ACBD6: variants seen among roughly 807,000 people sequenced by gnomAD.
ACBD6 encodes acyl-CoA binding domain containing 6.
In ACBD6, 28 loss-of-function variants were observed where a neutral mutation model predicts 37.2. That is an observed-to-expected ratio of 0.75 (90% CI 0.56 to 1.03). The LOEUF (loss-of-function observed/expected upper bound fraction) is 1.03, where lower values mean the gene tolerates loss of function less well. Ranked by LOEUF, ACBD6 falls within the 50% of genes least tolerant of loss-of-function variation. The pLI is 0.00. For missense variants in ACBD6, 340 were observed against 337.4 expected (o/e 1.01, Z -0.06); for synonymous variants, 113 against 126.8 (o/e 0.89, Z 0.73).
intron 3 of ACBD6, among the ~76,000 whole-genome samples, chr1:180,478,773 C>A (rs965574773): frequency 5.3e-5 from 8 of 152,008 alleles, no homozygotes; most frequent in African/African-American, 1.9e-4. Context: ...CATGAGTCAC[C>A]ACACCCAGCC....
intron 7 of ACBD6, among the ~76,000 whole-genome samples, chr1:180,293,840 G>A (rs554278101): frequency 6.6e-6 from 1 of 151,926 alleles, no homozygotes; most frequent in Non-Finnish European, 1.5e-5. Flanking sequence ...TGAACTCCTG[G>A]CTCCAAGTGA....
intron 4 of ACBD6, among the ~76,000 whole-genome samples, chr1:180,428,201 T>C (rs1648671611): frequency 6.6e-6 from 1 of 152,128 alleles, no homozygotes; most frequent in Non-Finnish European, 1.5e-5. Flanking sequence ...AATGAAGACT[T>C]CATGAAAAAA....
chr1:180,330,630 A>G (rs1651443577), intron 6 of ACBD6, among the ~76,000 whole-genome samples: 1 of 152,234 alleles, frequency 6.6e-6, no homozygotes, highest in Non-Finnish European at 1.5e-5. Flanking sequence ...AACTAAAAGG[A>G]AAACAATCAA....
At chr1:180,359,680 ACCTTC>A (rs1652773209) in intron 6 of ACBD6, among the ~76,000 whole-genome samples, 2 of 129,422 alleles carry the variant, frequency 1.5e-5, no homozygotes, top group Admixed American at 7.8e-5. Context: ...TTGCTGCACT[ACCTTC>A]TTTCAGTGGG....
At chr1:180,387,043 T>C (rs563596994) in intron 6 of ACBD6, among the ~76,000 whole-genome samples, 1 of 152,314 alleles carries the variant, frequency 6.6e-6, no homozygotes, top group South Asian at 2.1e-4. Context: ...CTATTTGGGT[T>C]TCTTGTGCAG....
intron 6 of ACBD6, among the ~76,000 whole-genome samples, chr1:180,335,853 G>A (rs1383468463): frequency 6.9e-6 from 1 of 144,632 alleles, no homozygotes; most frequent in African/African-American, 2.5e-5. Flanking sequence ...AAAGGCAGGG[G>A]TTGCAATCCT....
intron 5 of ACBD6, among the ~76,000 whole-genome samples, chr1:180,403,724 C>A (rs1310814294): frequency 2.6e-5 from 4 of 152,126 alleles, no homozygotes; most frequent in Admixed American, 6.6e-5. Context: ...TATATGCATA[C>A]AATGGAATAT....
chr1:180,277,223 A>G (rs1346312729), intron 9 of ACBD6: 2 of 152,208 alleles, frequency 1.3e-5, no homozygotes, highest in African/African-American at 2.4e-5. Context: ...GGTGCCACTA[A>G]TGAGCCATTG....
chr1:180,310,934 C>T (rs549083014), intron 7 of ACBD6, among the ~76,000 whole-genome samples: 1 of 152,236 alleles, frequency 6.6e-6, no homozygotes, highest in Non-Finnish European at 1.5e-5. Context: ...TGAAGGGTCT[C>T]TCGTGTTTCT....
intron 7 of ACBD6, among the ~76,000 whole-genome samples, chr1:180,293,608 A>T (rs777772763): frequency 1.4e-4 from 21 of 152,222 alleles, no homozygotes; most frequent in Admixed American, 5.2e-4. Flanking sequence ...TGCCTGGCCA[A>T]TTTCATCCTT....
chr1:180,406,487 A>G (rs1340171802), intron 5 of ACBD6, among the ~76,000 whole-genome samples: 1 of 152,144 alleles, frequency 6.6e-6, no homozygotes, highest in African/African-American at 2.4e-5. Flanking sequence ...CAATAAAATA[A>G]CTTCATTATG....
chr1:180,392,315 T>A (rs1654107966), intron 6 of ACBD6, among the ~76,000 whole-genome samples: 1 of 151,994 alleles, frequency 6.6e-6, no homozygotes, highest in African/African-American at 2.4e-5. Context: ...GCTGTATCCT[T>A]AAGATTTGTG....
intron 3 of ACBD6, among the ~76,000 whole-genome samples, chr1:180,441,702 A>G (rs1040215645): frequency 3.9e-5 from 6 of 152,208 alleles, no homozygotes; most frequent in African/African-American, 1.4e-4. Context: ...AAAGAACACA[A>G]TGATTTCTGC....
intron 6 of ACBD6, among the ~76,000 whole-genome samples, chr1:180,331,100 C>T (rs1344540460): frequency 2.0e-5 from 3 of 152,148 alleles, no homozygotes; most frequent in Non-Finnish European, 4.4e-5. Context: ...GATGTGGGGT[C>T]TATCTTGGCT....
In ACBD6 at chr1:180,324,878, A is replaced by AT. The variant is rs796907324; in HGVS notation, c.664-10157dup. On this transcript the variant is annotated intron_variant, in intron 6 of 7. Transcript: ENST00000367595. ...CACAAGATACACTGTTCTAGGGTAA[A>AT]TTTTTTTTTGTTTGTTTTTCCTTTA... is the stretch of plus-strand genomic sequence containing the variant. Among the ~76,000 whole-genome samples the AT allele has an allele frequency of 8.5e-4, 129 of 151,540 alleles. 1 individual carries two copies. Among genetic ancestry groups the AT allele is most frequent in the African/African-American group, 3.0e-3 (123 of 41,320 alleles).
At chr1:180,490,445 T>A (rs1158698259) in intron 3 of ACBD6, among the ~76,000 whole-genome samples, 8 of 144,934 alleles carry the variant, frequency 5.5e-5, no homozygotes, top group Non-Finnish European at 1.1e-4. Flanking sequence ...GAGTTCAAGA[T>A]CAGCCTGGCC....
chr1:180,428,186 T>C (rs1648671195), intron 4 of ACBD6, among the ~76,000 whole-genome samples: 2 of 152,138 alleles, frequency 1.3e-5, no homozygotes, highest in African/African-American at 4.8e-5. Context: ...ATAAGACTAA[T>C]ACTTAATGAA....
chr1:180,279,836 C>T (rs929702296), intron 9 of ACBD6, among the ~76,000 whole-genome samples: 2 of 148,284 alleles, frequency 1.3e-5, no homozygotes, highest in African/African-American at 2.5e-5. Flanking sequence ...TTTTTCATTA[C>T]ATTAAAAAAA....
chr1:180,400,336 C>G (rs1419966145), intron 5 of ACBD6, among the ~76,000 whole-genome samples: 1 of 152,136 alleles, frequency 6.6e-6, no homozygotes, highest in African/African-American at 2.4e-5. Flanking sequence ...TTACACCATA[C>G]TTTTTAACAC....
Sources: allele counts gnomAD v4.1 joint callset (sites outside exome capture counted in the v4.1 genomes callset), GRCh38; gene constraint gnomAD v4.1.1; transcripts MANE v1.5; gene names NCBI Gene and HGNC (gene_info 2026-07-23, HGNC 2026-07-21).